CLIP4: variants seen among roughly 807,000 people sequenced by gnomAD.
The protein encoded by CLIP4 is CAP-Gly domain containing linker protein family member 4, also known as CAP-Gly domain-containing linker protein 4.
Under a neutral mutation model 73.1 loss-of-function variants are expected in CLIP4, and 47 were observed. The observed-to-expected ratio is 0.64, with a 90% CI of 0.51 to 0.82. The LOEUF is 0.82. CLIP4 is among the 40% of genes least tolerant of loss of function. The pLI, the probability that CLIP4 is intolerant of heterozygous loss-of-function variation, is 0.00. For missense variants in CLIP4, 874 were observed against 852.9 expected, an observed-to-expected ratio of 1.02 and a Z score of -0.31; for synonymous variants, 306 against 295.4, an observed-to-expected ratio of 1.04 and a Z score of -0.37.
rs748505951 is a variant in CLIP4, at chr2:29,143,919, G to A, written c.859G>A (p.Asp287Asn). 6.2e-7 allele frequency: 1 copy of A among 1,614,048 alleles called. No individual in the cohort carries two copies. ...MLTSLGLKLG[D>N]RVVIAGQKVG... ...TACGTCACTTGGCCTGAAGTTGGGGGATCGTGTTGTTATTGCAGGACAGAA... is the reference window on the plus strand; with the variant it reads ...TACGTCACTTGGCCTGAAGTTGGGGAATCGTGTTGTTATTGCAGGACAGAA... Residue 287 changes from aspartate (D) to asparagine (N), a missense_variant, in exon 7 of 16, where the codon GAT (aspartate) becomes AAT (asparagine). Physicochemically the swap from Asp to Asn is conservative, Grantham distance 23 (BLOSUM62 1). Transcript: ENST00000320081.
At position 29,131,406 on chromosome 2, in the gene CLIP4, T is replaced by C; in HGVS notation, c.273+9T>C. 1 of 1,583,202 alleles carries C rather than the reference T, an allele frequency of 6.3e-7. No individual in the cohort carries two copies. The highest frequency in any genetic ancestry group is 8.5e-7 in the Non-Finnish European group (1 of 1,170,134). ...ACATTATTGGAAATGAGGTAAGGAATTCTTACATTTTAAGTTTTGCATTGT... is the reference window on the plus strand; with the variant it reads ...ACATTATTGGAAATGAGGTAAGGAACTCTTACATTTTAAGTTTTGCATTGT... On this transcript the variant is annotated intron_variant, in intron 3 of 15. Coordinates refer to ENST00000320081, the MANE Select transcript of CLIP4 (RefSeq NM_024692.6).
At chr2:29,124,665 C>T (rs1334022038) in intron 2 of CLIP4, among the ~76,000 whole-genome samples, 1 of 152,076 alleles carries the variant, frequency 6.6e-6, no homozygotes, top group Admixed American at 6.5e-5. Flanking sequence ...GTTTATATTA[C>T]TGCATCTTCA....
intron 6 of CLIP4, 101 bp from the exon 7 acceptor site, chr2:29,143,605 AATG>A (rs1424248920): frequency 1.3e-6 from 1 of 778,224 alleles, no homozygotes; most frequent in Non-Finnish European, 2.2e-6. Flanking sequence ...TGAATAAACA[AATG>A]ATGAATGAAT....
intron 14 of CLIP4, among the ~76,000 whole-genome samples, chr2:29,168,959 A>G (rs1045094921): frequency 1.3e-5 from 2 of 151,480 alleles, no homozygotes; most frequent in Non-Finnish European, 2.9e-5. Flanking sequence ...TATGGTAAGT[A>G]TCTAATTTCT....
intron 7 of CLIP4, among the ~76,000 whole-genome samples, chr2:29,144,867 G>C (rs1330140686): frequency 1.5e-5 from 2 of 136,486 alleles, no homozygotes; most frequent in Admixed American, 1.6e-4. Context: ...CAGTGGCACA[G>C]TCATAGGTCA....
intron 9 of CLIP4, among the ~76,000 whole-genome samples, chr2:29,153,178 A>G (rs1666693218): frequency 1.3e-5 from 2 of 152,170 alleles, no homozygotes; most frequent in Non-Finnish European, 1.5e-5. Flanking sequence ...TTTACCAAAA[A>G]AAAGTCCTGA....
chr2:29,175,907 GCC>G (rs199845245), intron 15 of CLIP4, among the ~76,000 whole-genome samples: 1 of 151,878 alleles, frequency 6.6e-6, no homozygotes. Flanking sequence ...GACTACAGGC[GCC>G]CGCCACCACA....
intron 6 of CLIP4, among the ~76,000 whole-genome samples, chr2:29,141,210 A>AT (rs1359153610): frequency 6.6e-6 from 1 of 151,908 alleles, no homozygotes; most frequent in Non-Finnish European, 1.5e-5. Context: ...TGTGATTTTG[A>AT]TTTTTTTGAA....
At chr2:29,172,094 G>C (rs931443401) in intron 14 of CLIP4, among the ~76,000 whole-genome samples, 1 of 147,560 alleles carries the variant, frequency 6.8e-6, no homozygotes, top group African/African-American at 2.5e-5. Context: ...AATTACTGTA[G>C]ATAATTTAAC....
intron 13 of CLIP4, among the ~76,000 whole-genome samples, chr2:29,164,514 A>C (rs1178920374): frequency 6.6e-6 from 1 of 152,186 alleles, no homozygotes; most frequent in Non-Finnish European, 1.5e-5. Flanking sequence ...CCGGTTTTAA[A>C]AAATAAGTTG....
intron 6 of CLIP4, among the ~76,000 whole-genome samples, chr2:29,137,905 A>C (rs1445605235): frequency 6.6e-6 from 1 of 152,018 alleles, no homozygotes; most frequent in African/African-American, 2.4e-5. Flanking sequence ...GATTCTGGAT[A>C]TTAGTCCTTT....
chr2:29,111,689 G>C (rs1163079031), upstream of CLIP4, among the ~76,000 whole-genome samples: 1 of 152,058 alleles, frequency 6.6e-6, no homozygotes, highest in Non-Finnish European at 1.5e-5. Flanking sequence ...TTAATCCCTA[G>C]TTGCTTTTGA....
intron 1 of CLIP4, among the ~76,000 whole-genome samples, chr2:29,108,509 G>A (rs570104616): frequency 1.3e-5 from 2 of 152,126 alleles, no homozygotes; most frequent in Non-Finnish European, 2.9e-5. Context: ...GTTTACTTCT[G>A]GAATTTTCCA....
At chr2:29,146,236 G>GA (rs1666156526) in intron 8 of CLIP4, among the ~76,000 whole-genome samples, 1 of 152,092 alleles carries the variant, frequency 6.6e-6, no homozygotes. Flanking sequence ...TCTGACCAGG[G>GA]GCACGCCCAG....
At chr2:29,165,618 T>C (rs1667560593) in intron 13 of CLIP4, among the ~76,000 whole-genome samples, 1 of 152,246 alleles carries the variant, frequency 6.6e-6, no homozygotes, top group Non-Finnish European at 1.5e-5. Flanking sequence ...GTGAATCTTC[T>C]GTGTTCTCAT....
At chr2:29,107,358 GTTTTTTTTTTTT>G (rs796180363) in intron 1 of CLIP4, among the ~76,000 whole-genome samples, 1,920 of 65,200 alleles carry the variant, frequency 0.029, 40 homozygotes, top group East Asian at 0.15. Context: ...GAACATGATA[GTTTTTTTTTTTT>G]TTTTTTTTTT....
intron 15 of CLIP4, among the ~76,000 whole-genome samples, chr2:29,179,363 A>G (rs1170701284): frequency 6.6e-6 from 1 of 152,168 alleles, no homozygotes; most frequent in Non-Finnish European, 1.5e-5. Flanking sequence ...TTAACTTTAT[A>G]ATTTAACCTA....
chr2:29,119,507 A>G (rs1046282811), intron 1 of CLIP4, among the ~76,000 whole-genome samples: 2 of 152,194 alleles, frequency 1.3e-5, no homozygotes, highest in African/African-American at 4.8e-5. Context: ...TTAAGAGTAT[A>G]AAAACATGTC....
At chr2:29,176,236 G>T (rs1010866049) in intron 15 of CLIP4, among the ~76,000 whole-genome samples, 2 of 152,214 alleles carry the variant, frequency 1.3e-5, no homozygotes, top group Non-Finnish European at 2.9e-5. Flanking sequence ...ATGGCCTTCT[G>T]CCAAGGGGCC....
Sources: gnomAD v4.1 joint callset for allele counts (sites outside exome capture counted in the v4.1 genomes callset) on GRCh38, gnomAD v4.1.1 for gene constraint, MANE v1.5 for transcripts, NCBI Gene and HGNC (gene_info 2026-07-23, HGNC 2026-07-21) for gene names.